The following KCNQ5 variants were observed in gnomAD, a reference collection of about 807,000 sequenced individuals.
The protein encoded by KCNQ5 is potassium voltage-gated channel subfamily Q member 5.
Under a neutral mutation model 98.2 loss-of-function variants are expected in KCNQ5, and 30 were observed. The ratio of observed to expected loss-of-function variants is 0.31; its 90% CI spans 0.23 to 0.41. The LOEUF is 0.41. Among genes scored for constraint, KCNQ5 ranks in the 10% least tolerant of loss-of-function variants. The pLI is 1.00. For missense variants in KCNQ5, 835 were observed against 1,182.5 expected, an observed-to-expected ratio of 0.71 and a Z score of 4.31; for synonymous variants, 458 against 449.4, an observed-to-expected ratio of 1.02 and a Z score of -0.24.
chr6:72,660,536 A>G (rs1271326683), intron 1 of KCNQ5, among the ~76,000 whole-genome samples: 1 of 152,196 alleles, frequency 6.6e-6, no homozygotes, highest in Non-Finnish European at 1.5e-5. Context: ...TTTCTTAAGA[A>G]GTAGTTAGCA....
chr6:72,869,290 C>T (rs1778110806), intron 1 of KCNQ5, among the ~76,000 whole-genome samples: 1 of 152,136 alleles, frequency 6.6e-6, no homozygotes, highest in Admixed American at 6.6e-5. Flanking sequence ...ACCGGAATTC[C>T]TTCTATCCCG....
chr6:72,623,306 G>T (rs1282802020), intron 1 of KCNQ5, among the ~76,000 whole-genome samples: 1 of 152,076 alleles, frequency 6.6e-6, no homozygotes, highest in Non-Finnish European at 1.5e-5. Context: ...CGCGGGCGGA[G>T]GTGCGATAGC....
chr6:72,941,708 C>T (rs1466400364), intron 1 of KCNQ5, among the ~76,000 whole-genome samples: 11 of 22,498 alleles, frequency 4.9e-4, no homozygotes, highest in East Asian at 4.2e-3. Flanking sequence ...TTCTTTCTTT[C>T]TTTCTTTCTT....
chr6:72,980,689 G>T (rs1239815175), intron 1 of KCNQ5, among the ~76,000 whole-genome samples: 2 of 152,096 alleles, frequency 1.3e-5, no homozygotes, highest in Non-Finnish European at 1.5e-5. Flanking sequence ...TGATTGCCCT[G>T]GCCAGAACTT....
intron 10 of KCNQ5, among the ~76,000 whole-genome samples, chr6:73,142,888 C>A (rs928843302): frequency 2.6e-5 from 4 of 152,136 alleles, no homozygotes; most frequent in African/African-American, 4.8e-5. Context: ...TGCACTCCAG[C>A]CTGGGCGACA....
rs1250461559 is a variant in KCNQ5, at chr6:72,841,283, T to C, written c.399-162625T>C. 2.6e-5 allele frequency among the ~76,000 whole-genome samples: 4 copies of C among 152,210 alleles called. No homozygotes were observed. The South Asian group carries it at 8.3e-4, about 31-fold the overall frequency. On this transcript the variant is annotated intron_variant, in intron 1 of 13. Transcript: ENST00000370398. ...TGGTGAAGACAAGCTATGTGCCTCC[T>C]ATTAACATATTGAATCAAAAACTTC...
chr6:73,075,772 G>A (rs553820386), intron 3 of KCNQ5, among the ~76,000 whole-genome samples: 86 of 152,174 alleles, frequency 5.7e-4, no homozygotes, highest in African/African-American at 1.8e-3. Context: ...GGCGGACACC[G>A]GTGGCTCACA....
At chr6:72,872,595 C>G (rs1488550691) in intron 1 of KCNQ5, among the ~76,000 whole-genome samples, 1 of 152,082 alleles carries the variant, frequency 6.6e-6, no homozygotes, top group Non-Finnish European at 1.5e-5. Flanking sequence ...ATTTTATACC[C>G]TAATGTGCTT....
At chr6:72,914,677 C>T (rs1780061905) in intron 1 of KCNQ5, among the ~76,000 whole-genome samples, 1 of 151,460 alleles carries the variant, frequency 6.6e-6, no homozygotes, top group Non-Finnish European at 1.5e-5. Flanking sequence ...ACAAAAGAAG[C>T]ATCGAGCCCT....
At chr6:72,887,616 A>G (rs1194108230) in intron 1 of KCNQ5, among the ~76,000 whole-genome samples, 1 of 152,236 alleles carries the variant, frequency 6.6e-6, no homozygotes, top group Non-Finnish European at 1.5e-5. Context: ...ACAACAGCAT[A>G]TCAGTTGTTG....
rs1316447743 is a variant in KCNQ5, at chr6:73,024,423, TAGAC to T, written c.490-17510_490-17507del. On this transcript the variant is annotated intron_variant, in intron 2 of 13. Coordinates refer to ENST00000370398, the MANE Select transcript of KCNQ5 (RefSeq NM_019842.4). ...GATAGATAGATAGATAGATAGTTGA[TAGAC>T]AGGTAGATCTCAAAGTTTGGGGTTT... Among the ~76,000 whole-genome samples, 8 of 1,234 alleles carry T rather than the reference TAGAC, an allele frequency of 6.5e-3. No homozygotes were observed. The East Asian group carries it at 0.1, about 15-fold the overall frequency. 0.8% of individuals were successfully genotyped at this position (1,234 alleles called of 152,430 possible). A position where few individuals can be genotyped will look rare whatever the true frequency, so the allele number is the denominator to read the frequency against.
chr6:73,071,257 C>T (rs1382432230), intron 3 of KCNQ5, among the ~76,000 whole-genome samples: 2 of 152,092 alleles, frequency 1.3e-5, no homozygotes, highest in Admixed American at 6.5e-5. Flanking sequence ...TGTTTCCATA[C>T]ATTGTTAGTG....
intron 1 of KCNQ5, among the ~76,000 whole-genome samples, chr6:72,969,259 T>G (rs1767759992): frequency 6.6e-6 from 1 of 152,240 alleles, no homozygotes; most frequent in South Asian, 2.1e-4. Context: ...TTCCTTCATC[T>G]TAAGATTTTT....
At chr6:72,923,206 T>G (rs984854729) in intron 1 of KCNQ5, among the ~76,000 whole-genome samples, 1 of 152,222 alleles carries the variant, frequency 6.6e-6, no homozygotes, top group African/African-American at 2.4e-5. Context: ...AACTTGAGAG[T>G]GCAGATATCT....
chr6:72,870,903 A>C (rs1385223258), intron 1 of KCNQ5, among the ~76,000 whole-genome samples: 1 of 152,186 alleles, frequency 6.6e-6, no homozygotes, highest in Non-Finnish European at 1.5e-5. Context: ...GAAGAGGATG[A>C]TGGTTATTTC....
At chr6:72,895,694 A>C (rs1441253181) in intron 1 of KCNQ5, among the ~76,000 whole-genome samples, 1 of 149,290 alleles carries the variant, frequency 6.7e-6, no homozygotes, top group Non-Finnish European at 1.5e-5. Context: ...ATATATATAT[A>C]CTATATATAT....
intron 1 of KCNQ5, among the ~76,000 whole-genome samples, chr6:72,886,555 G>A (rs1381603977): frequency 6.6e-6 from 1 of 152,058 alleles, no homozygotes; most frequent in Non-Finnish European, 1.5e-5. Flanking sequence ...CAGAATTGAA[G>A]AGAAACAGCA....
intron 10 of KCNQ5, chr6:73,157,574 G>T: frequency 2.6e-6 from 2 of 763,700 alleles, no homozygotes; most frequent in Non-Finnish European, 4.9e-6. Flanking sequence ...AAGGGAACCA[G>T]CGCACCTGGC....
At chr6:72,681,181 G>A (rs1767688215) in intron 1 of KCNQ5, among the ~76,000 whole-genome samples, 1 of 152,208 alleles carries the variant, frequency 6.6e-6, no homozygotes, top group Non-Finnish European at 1.5e-5. Context: ...ACAACATTGA[G>A]GACGTGAGAA....
Sources: allele counts gnomAD v4.1 joint callset (sites outside exome capture counted in the v4.1 genomes callset), GRCh38; gene constraint gnomAD v4.1.1; transcripts MANE v1.5; gene names NCBI Gene and HGNC (gene_info 2026-07-23, HGNC 2026-07-21).